PRR16: variants seen among roughly 807,000 people sequenced by gnomAD.
The protein encoded by PRR16 is proline rich 16.
PRR16 carries 6 observed loss-of-function variants against 18.2 expected under a neutral mutation model. The ratio of observed to expected loss-of-function variants is 0.33; its 90% CI spans 0.18 to 0.65. The LOEUF is 0.65. Among genes scored for constraint, PRR16 ranks in the 30% least tolerant of loss-of-function variants. PRR16 has a pLI of 0.74. For synonymous variants in PRR16, 151 were observed against 147.8 expected (o/e 1.02, Z -0.16); for missense variants, 412 against 376.6 (o/e 1.09, Z -0.78).
chr5:120,722,988 TAA>T, the PRR16 span, among the ~76,000 whole-genome samples: 5 of 151,662 alleles, frequency 3.3e-5, no homozygotes, highest in Non-Finnish European at 7.4e-5. Context: ...AAACTTTTAC[TAA>T]GTTTTACTGA....
At chr5:120,604,371 G>C (rs9686370) in intron 1 of PRR16, among the ~76,000 whole-genome samples, 133,716 of 152,126 alleles carry the variant, frequency 0.88, 59,147 homozygotes, top group African/African-American at 0.96. Context: ...GGAATAGCAA[G>C]CCCTGTCCTT....
chr5:120,764,341 C>G, the PRR16 span, among the ~76,000 whole-genome samples: 3 of 151,718 alleles, frequency 2.0e-5, no homozygotes, highest in Non-Finnish European at 2.9e-5. Flanking sequence ...TTTTCAGTCT[C>G]TTGATGTAAT....
At chr5:120,484,842 G>A (rs750499477) in intron 1 of PRR16, among the ~76,000 whole-genome samples, 10 of 150,832 alleles carry the variant, frequency 6.6e-5, no homozygotes, top group Non-Finnish European at 1.3e-4. Flanking sequence ...GAATAATTAG[G>A]AAGTTGGTGT....
intron 1 of PRR16, among the ~76,000 whole-genome samples, chr5:120,664,765 T>C (rs1021343301): frequency 7.4e-6 from 1 of 134,524 alleles, no homozygotes; most frequent in African/African-American, 2.7e-5. Flanking sequence ...ATTTCATCCA[T>C]GTCCCTACAA....
At chr5:120,557,712 A>G (rs150315752) in intron 1 of PRR16, among the ~76,000 whole-genome samples, 3 of 152,034 alleles carry the variant, frequency 2.0e-5, no homozygotes, top group Admixed American at 2.0e-4. Flanking sequence ...GGATTTTAAT[A>G]TATCATTACA....
intron 1 of PRR16, among the ~76,000 whole-genome samples, chr5:120,662,255 G>T (rs1237821681): frequency 6.6e-6 from 1 of 151,996 alleles, no homozygotes; most frequent in Non-Finnish European, 1.5e-5. Context: ...TGGATATATT[G>T]TATTTTACTC....
chr5:120,599,771 T>C (rs1189691763), intron 1 of PRR16, among the ~76,000 whole-genome samples: 1 of 151,924 alleles, frequency 6.6e-6, no homozygotes, highest in African/African-American at 2.4e-5. Flanking sequence ...CCAGCGTCTT[T>C]CAGTTTAGAA....
At chr5:120,494,795 CGTTTT>C (rs1750187756) in intron 1 of PRR16, among the ~76,000 whole-genome samples, 1 of 151,956 alleles carries the variant, frequency 6.6e-6, no homozygotes, top group Non-Finnish European at 1.5e-5. Flanking sequence ...TGAGGTGTGT[CGTTTT>C]GCTTAAGGAT....
chr5:120,492,653 A>G lies in PRR16; in HGVS notation c.159+28008A>G, dbSNP rs1299495256. Among the ~76,000 whole-genome samples, 4 of 152,044 alleles carry G rather than the reference A, an allele frequency of 2.6e-5. No individual in the cohort carries two copies. In the East Asian group the frequency reaches 5.8e-4, roughly 22 times the overall value. On this transcript the variant is annotated intron_variant, in intron 1 of 1. Transcript: ENST00000407149. ...GTTTCATAGTGAATTCTGAGATTTT[A>G]GTGCACCCATCACCTGAGCAGTGTA... is the stretch of plus-strand genomic sequence containing the variant.
chr5:120,650,316 T>C (rs1323753626), intron 1 of PRR16, among the ~76,000 whole-genome samples: 1 of 151,792 alleles, frequency 6.6e-6, no homozygotes, highest in Non-Finnish European at 1.5e-5. Flanking sequence ...ATCAAATGAT[T>C]TTTTTTCTTT....
chr5:120,529,537 G>A (rs1751476926), intron 1 of PRR16, among the ~76,000 whole-genome samples: 1 of 152,064 alleles, frequency 6.6e-6, no homozygotes, highest in Admixed American at 6.6e-5. Context: ...AACAAACTCT[G>A]GTGATATTTA....
Position 120,606,345 on chromosome 5 carries a change from T to C in PRR16, c.160-79609T>C, listed in dbSNP as rs75286631. On this transcript the variant is annotated intron_variant, in intron 1 of 1. Coordinates refer to ENST00000407149, the MANE Select transcript of PRR16 (RefSeq NM_001300783.2). ...TATATGGCTTTTTGACTATTTGACTTATATAAAAGAAATTTCCCACACATT... is the reference window on the plus strand; with the variant it reads ...TATATGGCTTTTTGACTATTTGACTCATATAAAAGAAATTTCCCACACATT... Among the ~76,000 whole-genome samples the C allele has an allele frequency of 2.6e-5, 4 of 152,238 alleles. No homozygotes were observed. The East Asian group carries it at 7.7e-4, about 29-fold the overall frequency.
the PRR16 span, among the ~76,000 whole-genome samples, chr5:120,780,363 G>C: frequency 3.4e-4 from 51 of 152,170 alleles, no homozygotes; most frequent in East Asian, 8.5e-3. Flanking sequence ...TAAGTGATTG[G>C]AATTTACACT....
intron 1 of PRR16, among the ~76,000 whole-genome samples, chr5:120,638,262 T>C (rs146703911): frequency 1.3e-5 from 2 of 152,234 alleles, no homozygotes; most frequent in African/African-American, 4.8e-5. Context: ...AGATTTCATA[T>C]TTTTAGATTA....
At chr5:120,738,266 A>G in the PRR16 span, among the ~76,000 whole-genome samples, 2 of 152,108 alleles carry the variant, frequency 1.3e-5, no homozygotes, top group Non-Finnish European at 2.9e-5. Context: ...GCTGTAAGCT[A>G]ATCTTCTCTT....
rs546417213 is a variant in PRR16 at position 120,491,830 on chromosome 5, C to T, written c.159+27185C>T. Among the ~76,000 whole-genome samples, 8 of 152,304 alleles carry T rather than the reference C, an allele frequency of 5.3e-5. No individual in the cohort carries two copies. In the East Asian group the frequency reaches 1.2e-3, roughly 22 times the overall value. ...AAGTGCTGAGATTACAGGCGTGATCCACTGTGCCCAGCTGACATACACTTT... is the reference window on the plus strand; with the variant it reads ...AAGTGCTGAGATTACAGGCGTGATCTACTGTGCCCAGCTGACATACACTTT... On this transcript the variant is annotated intron_variant, in intron 1 of 1. Coordinates refer to ENST00000407149, the MANE Select transcript of PRR16 (RefSeq NM_001300783.2).
chr5:120,543,111 A>C (rs542245280), intron 1 of PRR16, among the ~76,000 whole-genome samples: 2 of 152,156 alleles, frequency 1.3e-5, no homozygotes, highest in Non-Finnish European at 2.9e-5. Flanking sequence ...CATAGGCTGA[A>C]ATATAGTCCC....
At chr5:120,615,815 C>T (rs1282834617) in intron 1 of PRR16, among the ~76,000 whole-genome samples, 3 of 151,984 alleles carry the variant, frequency 2.0e-5, no homozygotes, top group African/African-American at 4.8e-5. Context: ...GAATTCTGGG[C>T]GTTTTATTCA....
At chr5:120,650,676 C>T (rs1388429774) in intron 1 of PRR16, among the ~76,000 whole-genome samples, 1 of 152,090 alleles carries the variant, frequency 6.6e-6, no homozygotes, top group African/African-American at 2.4e-5. Context: ...TTTATGGCTG[C>T]ATAGTATTCC....
Sources: allele counts gnomAD v4.1 joint callset (sites outside exome capture counted in the v4.1 genomes callset), GRCh38; gene constraint gnomAD v4.1.1; transcripts MANE v1.5; gene names NCBI Gene and HGNC (gene_info 2026-07-23, HGNC 2026-07-21).